OPCML: variants seen among roughly 807,000 people sequenced by gnomAD.
The protein encoded by OPCML is opioid-binding protein/cell adhesion molecule.
A neutral mutation model predicts 37.8 loss-of-function variants in OPCML; 13 were observed. The observed-to-expected ratio is 0.34, with a 90% confidence interval of 0.22 to 0.55. OPCML has a LOEUF of 0.55. OPCML is among the 20% of genes least tolerant of loss of function. The pLI is 0.91. For missense variants in OPCML, 341 were observed against 435.6 expected, an observed-to-expected ratio of 0.78 and a Z score of 1.93; for synonymous variants, 176 against 168.8, an observed-to-expected ratio of 1.04 and a Z score of -0.33.
chr11:132,582,798 C>A (rs1262388629), intron 3 of OPCML, among the ~76,000 whole-genome samples: 4 of 149,240 alleles, frequency 2.7e-5, no homozygotes, highest in Non-Finnish European at 4.4e-5. Context: ...GAATCATCTG[C>A]AAGAGGAAAA....
At chr11:133,489,448 G>A (rs1374607702) in intron 1 of OPCML, among the ~76,000 whole-genome samples, 2 of 152,144 alleles carry the variant, frequency 1.3e-5, no homozygotes, top group Admixed American at 6.5e-5. Flanking sequence ...TTCAAAGGAA[G>A]ACGTATAAAT....
chr11:132,824,109 C>T (rs935738814), intron 2 of OPCML, among the ~76,000 whole-genome samples: 1 of 152,250 alleles, frequency 6.6e-6, no homozygotes, highest in Admixed American at 6.5e-5. Flanking sequence ...AAATCTCAGC[C>T]CTGAATGCTT....
At chr11:133,326,995 G>C (rs1475891239) in intron 1 of OPCML, among the ~76,000 whole-genome samples, 1 of 146,196 alleles carries the variant, frequency 6.8e-6, no homozygotes, top group East Asian at 2.1e-4. Context: ...GTGGGTGAGG[G>C]GGTGTGGGTG....
chr11:132,422,675 C>T (rs1431446027), intron 7 of OPCML, among the ~76,000 whole-genome samples: 1 of 152,230 alleles, frequency 6.6e-6, no homozygotes, highest in African/African-American at 2.4e-5. Flanking sequence ...GTCATTCCCA[C>T]TTTGTAAACA....
intron 1 of OPCML, among the ~76,000 whole-genome samples, chr11:133,091,753 G>C (rs566127432): frequency 1.3e-5 from 2 of 152,152 alleles, no homozygotes; most frequent in African/African-American, 4.8e-5. Context: ...GACAGCTGGA[G>C]GGAAATTTCT....
intron 2 of OPCML, among the ~76,000 whole-genome samples, chr11:132,795,124 A>G (rs1334257932): frequency 6.6e-6 from 1 of 152,170 alleles, no homozygotes; most frequent in Non-Finnish European, 1.5e-5. Flanking sequence ...AGACACACAC[A>G]CACACACATT....
rs546024713 is a variant in OPCML at position 132,962,352 on chromosome 11, C to T, written c.62-19342G>A. Among the ~76,000 whole-genome samples the T allele has an allele frequency of 3.0e-4, 46 of 152,350 alleles. 1 individual carries two copies. Among genetic ancestry groups the T allele is most frequent in the African/African-American group, 1.1e-3 (46 of 41,592 alleles). Reference sequence around the variant, plus strand: ...TCACCCTCCCCCATCATGATGAAGACAGCATCTGCAGACCAAGAGTGTGCC... The same window carrying T: ...TCACCCTCCCCCATCATGATGAAGATAGCATCTGCAGACCAAGAGTGTGCC... On this transcript the variant is annotated intron_variant, in intron 1 of 7. Transcript: ENST00000524381.
chr11:132,917,145 G>A (rs182833333), intron 2 of OPCML, among the ~76,000 whole-genome samples: 114 of 152,180 alleles, frequency 7.5e-4, no homozygotes, highest in African/African-American at 2.6e-3. Flanking sequence ...GACAAATACC[G>A]TACGCTCTAG....
chr11:132,914,814 C>G (rs188223533), intron 2 of OPCML, among the ~76,000 whole-genome samples: 12 of 152,352 alleles, frequency 7.9e-5, no homozygotes, highest in African/African-American at 2.6e-4. Flanking sequence ...AGTGTTGCAG[C>G]AGAATTCCAT....
chr11:133,002,222 CAA>C (rs1482584213), intron 1 of OPCML, among the ~76,000 whole-genome samples: 1 of 152,198 alleles, frequency 6.6e-6, no homozygotes, highest in Non-Finnish European at 1.5e-5. Flanking sequence ...CTCAGCCTCA[CAA>C]AGTTTGTACT....
chr11:133,199,793 G>T (rs1938691504), intron 1 of OPCML, among the ~76,000 whole-genome samples: 1 of 152,106 alleles, frequency 6.6e-6, no homozygotes, highest in South Asian at 2.1e-4. Context: ...TTTTTGGAAA[G>T]AAAGGAAAAT....
chr11:132,579,043 A>G (rs2096456812), intron 3 of OPCML, among the ~76,000 whole-genome samples: 1 of 152,162 alleles, frequency 6.6e-6, no homozygotes, highest in Non-Finnish European at 1.5e-5. Flanking sequence ...GATAGAAACA[A>G]CTGAAAATGC....
chr11:132,924,844 C>T (rs1944934588), intron 2 of OPCML, among the ~76,000 whole-genome samples: 1 of 151,868 alleles, frequency 6.6e-6, no homozygotes, highest in Non-Finnish European at 1.5e-5. Context: ...GTCACTATTT[C>T]TATACATATC....
At chr11:132,646,449 G>T (rs377701192) in intron 3 of OPCML, among the ~76,000 whole-genome samples, 43 of 152,226 alleles carry the variant, frequency 2.8e-4, no homozygotes, top group African/African-American at 9.9e-4. Flanking sequence ...AATACAAGTG[G>T]GGTAAGTGAC....
chr11:133,421,204 G>A (rs555047854), intron 1 of OPCML: 1 of 985,444 alleles, frequency 1.0e-6, no homozygotes, highest in African/African-American at 1.7e-5. Context: ...AAGGGAAAGA[G>A]CAATGCGTTC....
At chr11:133,171,871 CTG>C (rs1176361469) in intron 1 of OPCML, among the ~76,000 whole-genome samples, 5 of 152,284 alleles carry the variant, frequency 3.3e-5, no homozygotes, top group African/African-American at 9.6e-5. Context: ...AGGCATGCTG[CTG>C]AGAAGGCCAG....
At chr11:133,284,010 A>T (rs562618063) in intron 1 of OPCML, among the ~76,000 whole-genome samples, 8 of 152,334 alleles carry the variant, frequency 5.3e-5, no homozygotes, top group African/African-American at 1.9e-4. Flanking sequence ...TTCCGCCAGC[A>T]GTAATCAGCC....
chr11:133,494,273 G>A (rs1369183941), intron 1 of OPCML, among the ~76,000 whole-genome samples: 1 of 151,724 alleles, frequency 6.6e-6, no homozygotes, highest in Non-Finnish European at 1.5e-5. Flanking sequence ...ACTGTTGGTG[G>A]GACTGTAAAC....
chr11:132,899,935 A>G (rs979810398), intron 2 of OPCML, among the ~76,000 whole-genome samples: 1 of 152,050 alleles, frequency 6.6e-6, no homozygotes, highest in African/African-American at 2.4e-5. Context: ...CTCCCACCCC[A>G]GGATCTCAGG....
Sources: gnomAD v4.1 joint callset for allele counts (sites outside exome capture counted in the v4.1 genomes callset) on GRCh38, gnomAD v4.1.1 for gene constraint, MANE v1.5 for transcripts, NCBI Gene and HGNC (gene_info 2026-07-23, HGNC 2026-07-21) for gene names.